The following DIP2C variants were observed in gnomAD, a reference collection of about 807,000 sequenced individuals.
DIP2C encodes DIP2 acetate--CoA ligase C (putative), also known as disco-interacting protein 2 homolog C.
In DIP2C, 33 loss-of-function variants were observed where a neutral mutation model predicts 192.4. That is an observed-to-expected ratio of 0.17 (90% CI 0.13 to 0.23). The LOEUF (loss-of-function observed/expected upper bound fraction) is 0.23, where lower values mean the gene tolerates loss of function less well. DIP2C is among the 10% of genes least tolerant of loss of function. DIP2C has a pLI of 1.00. For synonymous variants in DIP2C, 979 were observed against 864.1 expected (o/e 1.13, Z -2.33); for missense variants, 1,537 against 2,110.1 (o/e 0.73, Z 5.32).
At chr10:485,171 C>T (rs1843921651) in intron 2 of DIP2C, among the ~76,000 whole-genome samples, 1 of 152,246 alleles carries the variant, frequency 6.6e-6, no homozygotes, top group African/African-American at 2.4e-5. Context: ...TTCTGTTTCA[C>T]TTTTGTTTGG....
chr10:562,279 A>G (rs1391704740), intron 1 of DIP2C, among the ~76,000 whole-genome samples: 1 of 152,278 alleles, frequency 6.6e-6, no homozygotes, highest in Non-Finnish European at 1.5e-5. Flanking sequence ...AACTTTAAGC[A>G]GCAATAATTT....
chr10:425,351 G>A (rs1445938257), intron 4 of DIP2C, among the ~76,000 whole-genome samples: 27 of 118,538 alleles, frequency 2.3e-4, no homozygotes, highest in South Asian at 6.5e-4. Flanking sequence ...CATGACCAGC[G>A]GTGACTAATA....
In DIP2C at chr10:372,545, T is replaced by TG. The variant is rs148788950; in HGVS notation, c.1992-2913_1992-2912insC. ...ATGTTCATATTAGCCACGTTAACCT[T>TG]CATTAATTTAACCTTCCACTGTACA... is the stretch of plus-strand genomic sequence containing the variant. On this transcript the variant is annotated intron_variant, in intron 17 of 36. Transcript: ENST00000280886. Among the ~76,000 whole-genome samples the TG allele has an allele frequency of 6.0e-3, 920 of 152,364 alleles. 4 individuals carry two copies. Among genetic ancestry groups the TG allele is most frequent in the Middle Eastern group, 0.014 (4 of 294 alleles).
At chr10:432,084 ATT>A (rs201658469) in intron 4 of DIP2C, among the ~76,000 whole-genome samples, 1 of 147,098 alleles carries the variant, frequency 6.8e-6, no homozygotes, top group African/African-American at 2.5e-5. Context: ...TTGGTGCACA[ATT>A]TTTTTTTTTT....
intron 1 of DIP2C, among the ~76,000 whole-genome samples, chr10:592,354 A>G (rs1462345100): frequency 6.6e-6 from 1 of 152,162 alleles, no homozygotes; most frequent in Non-Finnish European, 1.5e-5. Context: ...ATTATCTTCT[A>G]CAAAAAATCC....
rs1564684758 is a variant in DIP2C at position 417,676 on chromosome 10, ATAGG to A, written c.739+1385_739+1388del. ...TCCACCTGTTCCTGTCAGGGCTCGG[ATAGG>A]CCTCCCTGTCCGCCTGTGCCTGTCG... On this transcript the variant is annotated intron_variant, in intron 6 of 36. Coordinates refer to ENST00000280886, the MANE Select transcript of DIP2C (RefSeq NM_014974.3). Among the ~76,000 whole-genome samples the A allele has an allele frequency of 1.2e-3, 168 of 145,598 alleles. 3 individuals are homozygous for A. Among genetic ancestry groups the A allele is most frequent in the African/African-American group, 2.8e-3 (110 of 38,984 alleles).
chr10:329,437 A>G lies in DIP2C; in HGVS notation c.3749T>C (p.Leu1250Pro). ...TKGLGSQTES[L>P]KARGLDLSRV... ...GCTGCCAAGGGAGCTGCTTACCTTGAGGGACTCTGTTTGCGAGCCCAGCCC... is the reference window on the plus strand; with the variant it reads ...GCTGCCAAGGGAGCTGCTTACCTTGGGGGACTCTGTTTGCGAGCCCAGCCC... Residue 1250 changes from leucine to proline, a missense_variant, in exon 30 of 37, where the codon CTC (leucine) becomes CCC (proline). Physicochemically the swap from Leu to Pro is moderately conservative, Grantham distance 98 (BLOSUM62 -3). Around this residue, in one of 4 missense-constraint regions of DIP2C, gnomAD observed 341 missense variants for 551.7 expected, o/e 0.62. Transcript: ENST00000280886. 6.2e-7 allele frequency: 1 copy of G among 1,613,004 alleles called. No homozygotes were observed. The highest frequency in any genetic ancestry group is 8.5e-7 in the Non-Finnish European group (1 of 1,179,470).
intron 4 of DIP2C, among the ~76,000 whole-genome samples, chr10:436,868 AT>A (rs1021864376): frequency 3.0e-5 from 3 of 98,924 alleles, no homozygotes; most frequent in Non-Finnish European, 6.0e-5. Context: ...CCTCCTGGAC[AT>A]GGTAGGGTGA....
At chr10:684,544 C>G (rs1831243415) in intron 1 of DIP2C, among the ~76,000 whole-genome samples, 1 of 152,218 alleles carries the variant, frequency 6.6e-6, no homozygotes, top group South Asian at 2.1e-4. Flanking sequence ...TCAGGACCTT[C>G]TCTTAGGCTC....
chr10:374,988 C>G (rs1306448246), intron 17 of DIP2C, among the ~76,000 whole-genome samples: 1 of 152,182 alleles, frequency 6.6e-6, no homozygotes, highest in African/African-American at 2.4e-5. Context: ...CAGGAGGGAC[C>G]ATCTCAGTGA....
intron 1 of DIP2C, among the ~76,000 whole-genome samples, chr10:578,295 G>A (rs954399920): frequency 2.0e-5 from 3 of 152,252 alleles, no homozygotes; most frequent in African/African-American, 2.4e-5. Context: ...AAGAACACAA[G>A]GCAGTAAATA....
At chr10:291,357 T>TGC (rs1215293842) in intron 32 of DIP2C, among the ~76,000 whole-genome samples, 1 of 152,200 alleles carries the variant, frequency 6.6e-6, no homozygotes, top group Non-Finnish European at 1.5e-5. Context: ...AGGCACAGGG[T>TGC]GCTAAATCAC....
chr10:384,712 T>C (rs1962723091), intron 14 of DIP2C, 73 bp from the exon 15 acceptor site: 1 of 1,491,642 alleles, frequency 6.7e-7, no homozygotes. Flanking sequence ...CCCAGTGGCA[T>C]GGACACTAGG....
intron 1 of DIP2C, among the ~76,000 whole-genome samples, chr10:673,239 T>A (rs1830732081): frequency 2.6e-5 from 4 of 152,314 alleles, no homozygotes; most frequent in Admixed American, 2.6e-4. Context: ...ACGTGGTCTA[T>A]ACTTGAATAG....
chr10:632,819 G>A (rs1247730690), intron 1 of DIP2C, among the ~76,000 whole-genome samples: 24 of 111,680 alleles, frequency 2.1e-4, no homozygotes, highest in African/African-American at 8.9e-4. Context: ...CGCGGGCACC[G>A]GTGTGAACCC....
intron 1 of DIP2C, chr10:667,226 C>T (rs1367439376): frequency 6.6e-6 from 1 of 152,314 alleles, no homozygotes; most frequent in East Asian, 1.9e-4. Context: ...TGGTGGCAGG[C>T]ACCTGTAATC....
chr10:496,727 A>C (rs1462997571), intron 1 of DIP2C, among the ~76,000 whole-genome samples: 1 of 149,536 alleles, frequency 6.7e-6, no homozygotes, highest in East Asian at 2.0e-4. Flanking sequence ...AGTGCATAGA[A>C]CCCATGGTGC....
chr10:499,708 C>A (rs1845093447), intron 1 of DIP2C, among the ~76,000 whole-genome samples: 1 of 152,210 alleles, frequency 6.6e-6, no homozygotes, highest in African/African-American at 2.4e-5. Context: ...CCAATCACCT[C>A]CCCAGGTTTT....
chr10:560,484 G>GA (rs1488043632), intron 1 of DIP2C, among the ~76,000 whole-genome samples: 1 of 152,184 alleles, frequency 6.6e-6, no homozygotes, highest in Non-Finnish European at 1.5e-5. Context: ...CATAATGCCT[G>GA]AAACTCGCGG....
Sources: gnomAD v4.1 joint callset for allele counts (sites outside exome capture counted in the v4.1 genomes callset) on GRCh38, gnomAD v4.1.1 for gene constraint, gnomAD v4.1.1 regional missense constraint, MANE v1.5 for transcripts, NCBI Gene and HGNC (gene_info 2026-07-23, HGNC 2026-07-21) for gene names.